The following DNA2 variants were observed in gnomAD, a reference collection of about 807,000 sequenced individuals.
DNA2 encodes the protein DNA replication ATP-dependent helicase/nuclease DNA2.
DNA2 carries 101 observed loss-of-function variants against 119.1 expected under a neutral mutation model. The ratio of observed to expected loss-of-function variants is 0.85; its 90% CI spans 0.72 to 1.00. The LOEUF (loss-of-function observed/expected upper bound fraction) is 1.00, where lower values mean the gene tolerates loss of function less well. Among genes scored for constraint, DNA2 ranks in the 50% least tolerant of loss-of-function variants. The pLI, the probability that DNA2 is intolerant of heterozygous loss-of-function variation, is 0.00. For missense variants in DNA2, 1,121 were observed against 1,255.5 expected (o/e 0.89, Z 1.62); for synonymous variants, 366 against 424.4 (o/e 0.86, Z 1.69).
At chr10:68,441,950 C>G (rs2051974668) in intron 9 of DNA2, among the ~76,000 whole-genome samples, 1 of 150,610 alleles carries the variant, frequency 6.6e-6, no homozygotes, top group Admixed American at 6.6e-5. Context: ...TTTTTTGAGT[C>G]AAGGTCTGGC....
At chr10:68,458,779 C>A (rs1252760187) in intron 5 of DNA2, among the ~76,000 whole-genome samples, 3 of 151,786 alleles carry the variant, frequency 2.0e-5, no homozygotes, top group Non-Finnish European at 4.4e-5. Context: ...ACCTGGGAGG[C>A]GGAGGTTGCC....
Position 68,463,167 on chromosome 10 carries a change from G to A in DNA2, c.587+2500C>T, listed in dbSNP as rs116667076. 6.1e-3 allele frequency among the ~76,000 whole-genome samples: 918 copies of A among 151,446 alleles called. 16 individuals are homozygous for A. The highest frequency in any genetic ancestry group is 0.02 in the African/African-American group (833 of 41,286). ...ATCATTAAGATGTAAAGACCTGGCC[G>A]GACGCAGTGGCTCACACCTGTAATC... is the stretch of plus-strand genomic sequence containing the variant. On this transcript the variant is annotated intron_variant, in intron 4 of 20. Transcript: ENST00000358410.
rs1259324104 is a variant in DNA2, at chr10:68,445,014, T to C, written c.1127A>G (p.Gln376Arg). 7 of 1,613,510 alleles carry C rather than the reference T, an allele frequency of 4.3e-6. No individual in the cohort carries two copies. Among genetic ancestry groups the C allele is most frequent in the Non-Finnish European group, 5.9e-6 (7 of 1,179,540 alleles). The change falls in exon 8 of 21, where the codon CAG becomes CGG. Residue 376 changes from glutamine (Q) to arginine (R), a missense_variant. Transcript: ENST00000358410. The part of the protein sequence containing the change: ...FHRISKSATR[Q>R]KTQLASLPQI... ...TGGCAAAGAAGCAAGCTGTGTCTTCTGTCTAGTAGCAGATTTGCTAATACG... is the reference window on the plus strand; with the variant it reads ...TGGCAAAGAAGCAAGCTGTGTCTTCCGTCTAGTAGCAGATTTGCTAATACG...
At chr10:68,424,579 T>A in intron 14 of DNA2, 1 of 1,042,582 alleles carries the variant, frequency 9.6e-7, no homozygotes, top group Non-Finnish European at 1.5e-6. Flanking sequence ...AATCCCTTCG[T>A]GAACTTGGAC....
At chr10:68,460,828 T>C (rs1564895993) in intron 4 of DNA2, among the ~76,000 whole-genome samples, 2 of 151,958 alleles carry the variant, frequency 1.3e-5, no homozygotes, top group Admixed American at 6.6e-5. Context: ...GAAGGATCGT[T>C]TCAGCCCAAA....
intron 12 of DNA2, 34 bp from the exon 13 acceptor site, chr10:68,432,005 G>C (rs1391615753): frequency 6.7e-7 from 1 of 1,486,614 alleles, no homozygotes; most frequent in South Asian, 1.2e-5. Context: ...AGGAAAAAGA[G>C]TGTTGAATTT....
upstream of DNA2, chr10:68,472,185 C>G: frequency 4.7e-6 from 6 of 1,278,546 alleles, no homozygotes; most frequent in Non-Finnish European, 5.1e-6. Flanking sequence ...TCCGAAACCT[C>G]CCGGGTTCAC....
chr10:68,431,890 G>A lies in DNA2; in HGVS notation c.1955C>T (p.Thr652Ile). 3.1e-6 allele frequency: 5 copies of A among 1,613,360 alleles called. No homozygotes were observed. Among genetic ancestry groups the A allele is most frequent in the Non-Finnish European group, 4.2e-6 (5 of 1,179,514 alleles). Residue 652 changes from threonine to isoleucine, a missense_variant, in exon 13 of 21, where the codon ACA becomes ATA. By Grantham distance (89) the Thr-to-Ile change is moderately conservative (BLOSUM62 -1). Transcript: ENST00000358410. ...DYTLIVGMPG[T>I]GKTTTICTLV... Reference sequence around the variant, plus strand: ...AGTACATATCGTAGTTGTTTTTCCTGTCCCAGGCATACCCACGATGAGTGT... The same window carrying A: ...AGTACATATCGTAGTTGTTTTTCCTATCCCAGGCATACCCACGATGAGTGT...
chr10:68,445,898 G>A (rs1255079027), intron 7 of DNA2, among the ~76,000 whole-genome samples: 5 of 152,142 alleles, frequency 3.3e-5, no homozygotes, highest in African/African-American at 7.2e-5. Flanking sequence ...AGACCAAGGC[G>A]GGCAGATCTC....
chr10:68,430,781 A>C, intron 13 of DNA2, 121 bp from the exon 14 acceptor site: 1 of 752,096 alleles, frequency 1.3e-6, no homozygotes, highest in Non-Finnish European at 2.1e-6. Context: ...AAAATTATGA[A>C]GCCAAAACAT....
chr10:68,448,834 G>C (rs576382678), intron 6 of DNA2, among the ~76,000 whole-genome samples: 48 of 125,878 alleles, frequency 3.8e-4, no homozygotes, highest in African/African-American at 1.8e-3. Flanking sequence ...CTGGGGTGCA[G>C]TGGCGTGATC....
intron 17 of DNA2, among the ~76,000 whole-genome samples, chr10:68,420,267 G>T (rs144473676): frequency 6.6e-6 from 1 of 152,286 alleles, no homozygotes; most frequent in Admixed American, 6.5e-5. Context: ...GGCCGGGCGC[G>T]GTGGCTCACG....
chr10:68,427,821 C>G (rs547376059), intron 14 of DNA2, among the ~76,000 whole-genome samples: 2 of 152,038 alleles, frequency 1.3e-5, no homozygotes, highest in African/African-American at 4.8e-5. Context: ...ATCACGAGGT[C>G]GGGAGCTCAA....
chr10:68,461,278 A>T (rs1480763407), intron 4 of DNA2: 1 of 152,232 alleles, frequency 6.6e-6, no homozygotes, highest in Admixed American at 6.6e-5. Flanking sequence ...CTTTCATAAG[A>T]GTACAGTTGA....
intron 20 of DNA2, among the ~76,000 whole-genome samples, chr10:68,415,868 G>A (rs1002122595): frequency 6.6e-6 from 1 of 150,964 alleles, no homozygotes; most frequent in Non-Finnish European, 1.5e-5. Context: ...TAGCCAGGAT[G>A]GTCTCAATCT....
rs530784451 is a variant in DNA2 at position 68,444,444 on chromosome 10, G to A, written c.1220+477C>T. Among the ~76,000 whole-genome samples the A allele has an allele frequency of 4.6e-5, 7 of 151,720 alleles. No individual in the cohort carries two copies. In the South Asian group the frequency reaches 1.5e-3, roughly 32 times the overall value. On this transcript the variant is annotated intron_variant, in intron 8 of 20. Transcript: ENST00000358410. ...AAATAAATAAAAATACAAAAAATTA[G>A]CTGGGCGCGGTGGCTCACGCCTGTA... is the stretch of plus-strand genomic sequence containing the variant.
chr10:68,446,276 T>TAA lies in DNA2; in HGVS notation c.1057+18_1057+19dup, dbSNP rs34922453. On this transcript the variant is annotated intron_variant, in intron 7 of 20. Transcript: ENST00000358410. The stretch of plus-strand genomic sequence containing the variant: ...GGGGGGGTGGGCAAAGAAGTAAAAC[T>TAA]AAAAAAAAAACGGCTCAACCTCTTT... The TAA allele has an allele frequency of 3.0e-5, 37 of 1,225,618 alleles. No homozygotes were observed. The highest frequency in any genetic ancestry group is 4.9e-5 in the Admixed American group (2 of 40,946). The allele number at this position is 1,225,618 out of a possible 1,614,324, so 75.9% of individuals were successfully genotyped here. A position where few individuals can be genotyped will look rare whatever the true frequency, so the allele number is the denominator to read the frequency against.
intron 5 of DNA2, among the ~76,000 whole-genome samples, chr10:68,457,837 G>C (rs930363008): frequency 6.6e-6 from 1 of 151,402 alleles, no homozygotes; most frequent in African/African-American, 2.4e-5. Context: ...GTCAACACAT[G>C]ACACAGACTA....
chr10:68,470,508 A>G lies in DNA2; in HGVS notation c.75-345T>C, dbSNP rs187404995. On this transcript the variant is annotated intron_variant, in intron 1 of 20. Coordinates refer to ENST00000358410, the MANE Select transcript of DNA2 (RefSeq NM_001080449.3). ...GCACACCTGTAGTCCCAGCTACTCA[A>G]GAGGCTGAGGTGGAAGGACTGCTTG... 1.3e-3 allele frequency: 541 copies of G among 408,404 alleles called. 3 individuals carry two copies. The highest frequency in any genetic ancestry group is 0.01 in the African/African-American group (486 of 47,860). 25.3% of individuals were successfully genotyped at this position (408,404 alleles called of 1,614,324 possible).
Sources: allele counts gnomAD v4.1 joint callset (sites outside exome capture counted in the v4.1 genomes callset), GRCh38; gene constraint gnomAD v4.1.1; transcripts MANE v1.5; gene names NCBI Gene and HGNC (gene_info 2026-07-23, HGNC 2026-07-21).